The following EXOC1L variants were observed in gnomAD, a reference collection of about 807,000 sequenced individuals.
EXOC1L encodes the protein exocyst complex component 1 like.
EXOC1L carries 10 observed loss-of-function variants against 4.9 expected under a neutral mutation model. That is an observed-to-expected ratio of 2.02 (90% CI 1.25 to 3.43). The LOEUF (loss-of-function observed/expected upper bound fraction) is 3.43, where lower values mean the gene tolerates loss of function less well. Among genes scored for constraint, EXOC1L ranks in the 30% most tolerant of loss-of-function variants. The pLI is 0.00. For missense variants in EXOC1L, 114 were observed against 59.4 expected, an observed-to-expected ratio of 1.92 and a Z score of -3.02; for synonymous variants, 41 against 20.8, an observed-to-expected ratio of 1.97 and a Z score of -2.63.
intron 1 of EXOC1L, among the ~76,000 whole-genome samples, chr4:55,821,887 T>C (rs1560574335): frequency 6.6e-6 from 1 of 152,236 alleles, no homozygotes; most frequent in African/African-American, 2.4e-5. Context: ...TTTATGGCAA[T>C]TAAAAATACA....
chr4:55,824,874 C>T (rs1719842553), intron 1 of EXOC1L, among the ~76,000 whole-genome samples: 2 of 152,146 alleles, frequency 1.3e-5, no homozygotes, highest in African/African-American at 4.8e-5. Flanking sequence ...ACATCACCAT[C>T]ATCAGTCAGT....
chr4:55,823,031 T>A (rs1719786737), intron 1 of EXOC1L, among the ~76,000 whole-genome samples: 1 of 151,354 alleles, frequency 6.6e-6, no homozygotes, highest in Admixed American at 6.6e-5. Context: ...GTATATTATG[T>A]TAATTTAAAA....
At chr4:55,833,116 T>C (rs1280092639) in intron 2 of EXOC1L, among the ~76,000 whole-genome samples, 1 of 151,990 alleles carries the variant, frequency 6.6e-6, no homozygotes, top group African/African-American at 2.4e-5. Flanking sequence ...AACACCTTTT[T>C]GACAATATGT....
At chr4:55,826,858 C>G (rs1719897473) in intron 1 of EXOC1L, among the ~76,000 whole-genome samples, 1 of 152,168 alleles carries the variant, frequency 6.6e-6, no homozygotes, top group African/African-American at 2.4e-5. Context: ...GCTGTTTTGT[C>G]AAAAGGTTAA....
chr4:55,834,952 ATGTGTAGTCTT>A (rs1251354185), intron 2 of EXOC1L, among the ~76,000 whole-genome samples: 2 of 151,774 alleles, frequency 1.3e-5, no homozygotes, highest in African/African-American at 4.8e-5. Context: ...ACTGTACCCA[ATGTGTAGTCTT>A]TTATCCCTCA....
In EXOC1L at chr4:55,819,871, GGGCTCT is replaced by G; in HGVS notation, c.-151_-146del. 1 of 381,266 alleles carries G rather than the reference GGGCTCT, an allele frequency of 2.6e-6. No homozygotes were observed. The allele number at this position is 381,266 out of a possible 1,614,324, so 23.6% of individuals were successfully genotyped here. On this transcript the variant is annotated 5_prime_UTR_variant, in exon 1 of 3. Coordinates refer to ENST00000636125, the MANE Select transcript of EXOC1L (RefSeq NM_001351574.3). The stretch of plus-strand genomic sequence containing the variant: ...CCGCGCTGAGTGCTCTCGGGAATCT[GGGCTCT>G]GGCTAGGAATGAGAAGTTAAGAGAG...
intron 1 of EXOC1L, among the ~76,000 whole-genome samples, chr4:55,820,417 G>A (rs999005691): frequency 2.6e-5 from 4 of 152,272 alleles, no homozygotes; most frequent in African/African-American, 7.2e-5. Context: ...TGATTATTTT[G>A]TCTCCAATCG....
At chr4:55,831,856 C>T (rs911779988) in intron 2 of EXOC1L, among the ~76,000 whole-genome samples, 5 of 152,164 alleles carry the variant, frequency 3.3e-5, no homozygotes, top group Admixed American at 1.3e-4. Context: ...TCAGCAAGCC[C>T]ACTTTATCCT....
At chr4:55,831,549 A>AT (rs1720033355) in intron 2 of EXOC1L, 85 bp downstream of exon 2, 5 of 576,872 alleles carry the variant, frequency 8.7e-6, no homozygotes, top group Admixed American at 3.2e-5. Flanking sequence ...TATTCTTGGC[A>AT]TGTACTAAGT....
At chr4:55,820,854 G>A (rs1719720477) in intron 1 of EXOC1L, among the ~76,000 whole-genome samples, 2 of 152,158 alleles carry the variant, frequency 1.3e-5, no homozygotes, top group Admixed American at 6.5e-5. Flanking sequence ...ACAGGCTTTT[G>A]CACTTAATTA....
At chr4:55,823,630 A>C (rs1719801911) in intron 1 of EXOC1L, among the ~76,000 whole-genome samples, 1 of 152,238 alleles carries the variant, frequency 6.6e-6, no homozygotes, top group South Asian at 2.1e-4. Flanking sequence ...TTCTGATTAT[A>C]GAGCCAAACA....
chr4:55,836,327 C>G (rs192612790), intron 2 of EXOC1L, among the ~76,000 whole-genome samples: 1 of 151,740 alleles, frequency 6.6e-6, no homozygotes, highest in Non-Finnish European at 1.5e-5. Flanking sequence ...ATAAATAATG[C>G]GAAATATCTG....
chr4:55,826,567 G>A (rs547906198), intron 1 of EXOC1L, among the ~76,000 whole-genome samples: 21 of 152,362 alleles, frequency 1.4e-4, no homozygotes, highest in African/African-American at 4.8e-4. Context: ...GAAATTCCCT[G>A]AGTCTACAGA....
At chr4:55,829,191 TAAAAC>T (rs1263211007) in intron 1 of EXOC1L, among the ~76,000 whole-genome samples, 1 of 152,180 alleles carries the variant, frequency 6.6e-6, no homozygotes, top group Non-Finnish European at 1.5e-5. Context: ...AACAGCCTCT[TAAAAC>T]AAACAAAACA....
Position 55,822,349 on chromosome 4 carries a change from T to TG in EXOC1L, c.121+2207dup, listed in dbSNP as rs200690197. On this transcript the variant is annotated intron_variant, in intron 1 of 2. Coordinates refer to ENST00000636125, the MANE Select transcript of EXOC1L (RefSeq NM_001351574.3). ...CCTTTCTGGTTTGCTAGGATGTACA[T>TG]GGGGGATTTCCTGGGACCGCAGCCC... Among the ~76,000 whole-genome samples, 129 of 152,294 alleles carry TG rather than the reference T, an allele frequency of 8.5e-4. 1 individual carries two copies. The East Asian group carries it at 0.024, about 29-fold the overall frequency.
intron 2 of EXOC1L, among the ~76,000 whole-genome samples, chr4:55,833,149 A>G (rs1577667723): frequency 6.6e-6 from 1 of 151,972 alleles, no homozygotes; most frequent in East Asian, 1.9e-4. Flanking sequence ...TTTGATGCTT[A>G]GGAAATGGTT....
intron 1 of EXOC1L, among the ~76,000 whole-genome samples, chr4:55,829,075 G>A (rs1719959925): frequency 6.6e-6 from 1 of 152,112 alleles, no homozygotes; most frequent in African/African-American, 2.4e-5. Flanking sequence ...TTTGTATTCA[G>A]TGTTTGGTTT....
chr4:55,828,556 G>A (rs1577665558), intron 1 of EXOC1L, among the ~76,000 whole-genome samples: 1 of 152,180 alleles, frequency 6.6e-6, no homozygotes, highest in South Asian at 2.1e-4. Flanking sequence ...TGGGGGCCAG[G>A]CATGGTGACT....
chr4:55,829,110 T>C (rs1003234898), intron 1 of EXOC1L, among the ~76,000 whole-genome samples: 1 of 152,198 alleles, frequency 6.6e-6, no homozygotes, highest in Non-Finnish European at 1.5e-5. Context: ...TTCCATCCAG[T>C]GCTATTTTAA....
Sources: allele counts gnomAD v4.1 joint callset (sites outside exome capture counted in the v4.1 genomes callset), GRCh38; gene constraint gnomAD v4.1.1; transcripts MANE v1.5; gene names NCBI Gene and HGNC (gene_info 2026-07-23, HGNC 2026-07-21).